The following FAM83G variants were observed in gnomAD, a reference collection of about 807,000 sequenced individuals.
FAM83G encodes scaffolding CK1 anchoring protein G.
A neutral mutation model predicts 61.5 loss-of-function variants in FAM83G; 38 were observed. That is an observed-to-expected ratio of 0.62 (90% CI 0.48 to 0.81). The LOEUF (loss-of-function observed/expected upper bound fraction) is 0.81, where lower values mean the gene tolerates loss of function less well. FAM83G is among the 30% of genes least tolerant of loss of function. FAM83G has a pLI of 0.00. For missense variants in FAM83G, 989 were observed against 1,133.6 expected (o/e 0.87, Z 1.83); for synonymous variants, 470 against 476.1 (o/e 0.99, Z 0.17).
chr17:18,968,900 C>T lies in FAM83G; in HGVS notation c.*2459G>A. 1.5e-6 allele frequency: 1 copy of T among 649,004 alleles called. No homozygotes were observed. The highest frequency in any genetic ancestry group is 2.0e-5 in the South Asian group (1 of 50,440). The allele number at this position is 649,004 out of a possible 1,614,324, so 40.2% of individuals were successfully genotyped here. ...GGTCTTCCCCCAACCTCACAATGGC[C>T]CCGTGATGCAGGCAGGCAGGCGAGT... On this transcript the variant is annotated 3_prime_UTR_variant, in exon 6 of 6. Transcript: ENST00000388995. The surrounding 1 kb of genome is among the most constrained non-coding windows in gnomAD (Gnocchi z 4.1).
At chr17:18,984,259 A>G (rs1018450101) in intron 3 of FAM83G, among the ~76,000 whole-genome samples, 8 of 149,806 alleles carry the variant, frequency 5.3e-5, no homozygotes, top group Middle Eastern at 6.8e-3. Flanking sequence ...GGATAATGGC[A>G]CGAACCCGGG....
intron 2 of FAM83G, among the ~76,000 whole-genome samples, chr17:19,002,594 T>C (rs1238563091): frequency 6.6e-6 from 1 of 152,226 alleles, no homozygotes; most frequent in African/African-American, 2.4e-5. Context: ...AGAATCCTTC[T>C]CAACACAGCT....
intron 3 of FAM83G, among the ~76,000 whole-genome samples, chr17:18,980,425 G>C (rs1030050584): frequency 1.3e-5 from 2 of 152,136 alleles, no homozygotes; most frequent in East Asian, 3.9e-4. Context: ...AAGGAGAAGA[G>C]GGCTCCTTGG....
intron 3 of FAM83G, among the ~76,000 whole-genome samples, chr17:18,982,744 C>T (rs1160002631): frequency 1.3e-5 from 2 of 152,216 alleles, no homozygotes; most frequent in East Asian, 1.9e-4. Flanking sequence ...GTGCCAAGCC[C>T]GCTGGTGCGA....
chr17:18,975,901 C>G (rs775982649), intron 5 of FAM83G: 2 of 151,728 alleles, frequency 1.3e-5, no homozygotes, highest in Non-Finnish European at 2.9e-5. Context: ...AAAAGTAACT[C>G]TTTTGGGCTG....
At chr17:18,973,392 C>A (rs1409962676) in intron 5 of FAM83G, among the ~76,000 whole-genome samples, 1 of 152,356 alleles carries the variant, frequency 6.6e-6, no homozygotes, top group Non-Finnish European at 1.5e-5. Context: ...GGAGGAGGAA[C>A]ACTGCTGACC....
At chr17:18,976,764 C>A in intron 5 of FAM83G, 6 of 1,529,296 alleles carry the variant, frequency 3.9e-6, no homozygotes, top group Non-Finnish European at 5.3e-6. Flanking sequence ...CATCGTGCCT[C>A]ATGCCCATTC....
intron 4 of FAM83G, 71 bp from the exon 5 acceptor site, chr17:18,978,921 T>C (rs2152010383): frequency 6.5e-7 from 1 of 1,543,952 alleles, no homozygotes. Context: ...CGTGCACCCA[T>C]AGCCGCTGGG....
chr17:18,980,474 C>T (rs894135085), intron 3 of FAM83G, among the ~76,000 whole-genome samples: 4 of 152,186 alleles, frequency 2.6e-5, no homozygotes, highest in African/African-American at 9.7e-5. Context: ...TGCCTCAGCT[C>T]CAAGGCCAGG....
chr17:18,979,345 G>A, intron 4 of FAM83G: 1 of 673,872 alleles, frequency 1.5e-6, no homozygotes, highest in Non-Finnish European at 2.4e-6. Context: ...ACATCTCCAA[G>A]CTGGAACAAC....
At chr17:19,001,381 G>C (rs750721791) in intron 2 of FAM83G, among the ~76,000 whole-genome samples, 3 of 152,204 alleles carry the variant, frequency 2.0e-5, no homozygotes, top group Non-Finnish European at 2.9e-5. Context: ...GGCCCCCACT[G>C]TGGGACCCTT....
At chr17:18,987,247 C>T (rs991963514) in intron 3 of FAM83G, among the ~76,000 whole-genome samples, 5 of 152,300 alleles carry the variant, frequency 3.3e-5, no homozygotes, top group Admixed American at 2.6e-4. Context: ...GCCTCTACCC[C>T]ACTATCTTTA....
chr17:18,977,683 T>C lies in FAM83G; in HGVS notation c.1983A>G (p.Gly661=). The C allele has an allele frequency of 6.2e-7, 1 of 1,610,454 alleles. No individual in the cohort carries two copies. Among genetic ancestry groups the C allele is most frequent in the Non-Finnish European group, 8.5e-7 (1 of 1,179,814 alleles). The part of the protein sequence containing the change: ...APHITRGTFV[G]PQGGSPWAQS... ...GGGCCCATGGGGAGCCACCCTGGGG[T>C]CCAACAAAGGTCCCTCGGGTTATAT... is the stretch of plus-strand genomic sequence containing the variant. The change falls in exon 5 of 6, where the codon GGA becomes GGG. Residue 661 remains glycine (G), a synonymous_variant. Transcript: ENST00000388995.
In FAM83G at chr17:18,978,842, C is replaced by A; in HGVS notation, c.824G>T (p.Trp275Leu). Residue 275 changes from tryptophan (W) to leucine (L), a missense_variant, in exon 5 of 6, where the codon TGG becomes TTG. Coordinates refer to ENST00000388995, the MANE Select transcript of FAM83G (RefSeq NM_001039999.3). ...RAVCGSYSFTWSAARTDRNVI... is the reference protein window; with the variant it reads ...RAVCGSYSFTLSAARTDRNVI... ...ATTCCGGTCCGTCCGCGCGGCCGAC[C>A]ACGTGAAGCTGCAACAGAGGGAGGG... 6.2e-7 allele frequency: 1 copy of A among 1,611,662 alleles called. No homozygotes were observed. Among genetic ancestry groups the A allele is most frequent in the South Asian group, 1.1e-5 (1 of 91,062 alleles).
intron 5 of FAM83G, chr17:18,977,103 A>C: frequency 1.4e-6 from 2 of 1,450,862 alleles, no homozygotes; most frequent in Non-Finnish European, 1.9e-6. Flanking sequence ...ACTGTTCCCC[A>C]ACCTGGGGAG....
intron 5 of FAM83G, among the ~76,000 whole-genome samples, chr17:18,972,833 C>T (rs2152003509): frequency 6.6e-6 from 1 of 150,878 alleles, no homozygotes; most frequent in South Asian, 2.1e-4. Flanking sequence ...TGTGCCACTG[C>T]ACTCCAGCCT....
intron 3 of FAM83G, among the ~76,000 whole-genome samples, chr17:18,985,540 C>T (rs747371204): frequency 2.0e-5 from 3 of 152,058 alleles, no homozygotes; most frequent in African/African-American, 4.8e-5. Context: ...GAAGTGCTCC[C>T]GGGACAGGTC....
chr17:18,969,064 G>A lies in FAM83G; in HGVS notation c.*2295C>T, dbSNP rs1215372222. 6 of 1,613,748 alleles carry A rather than the reference G, an allele frequency of 3.7e-6. No individual in the cohort carries two copies. The highest frequency in any genetic ancestry group is 1.7e-5 in the Admixed American group (1 of 59,960). ...TCTCCCTCCGCAGCTGGACCTGTAC[G>A]CGGGGGCTCTGTTTGTGCACATCTG... On this transcript the variant is annotated 3_prime_UTR_variant, in exon 6 of 6. Coordinates refer to ENST00000388995, the MANE Select transcript of FAM83G (RefSeq NM_001039999.3).
At chr17:18,973,804 T>G (rs1036514502) in intron 5 of FAM83G, among the ~76,000 whole-genome samples, 2 of 152,040 alleles carry the variant, frequency 1.3e-5, no homozygotes, top group African/African-American at 4.8e-5. Context: ...TTCAAGTGAT[T>G]CTCCTGTCTC....
Sources: gnomAD v4.1 joint callset for allele counts (sites outside exome capture counted in the v4.1 genomes callset) on GRCh38, gnomAD v4.1.1 for gene constraint, Gnocchi (gnomAD v3.1) non-coding constraint, MANE v1.5 for transcripts, NCBI Gene and HGNC (gene_info 2026-07-23, HGNC 2026-07-21) for gene names.